The following AZI2 variants were observed in gnomAD, a reference collection of about 807,000 sequenced individuals.
The protein encoded by AZI2 is 5-azacytidine induced 2.
Under a neutral mutation model 45.8 loss-of-function variants are expected in AZI2, and 22 were observed. The observed-to-expected ratio is 0.48, with a 90% CI of 0.34 to 0.69. The LOEUF is 0.69. Among genes scored for constraint, AZI2 ranks in the 30% least tolerant of loss-of-function variants. The pLI, the probability that AZI2 is intolerant of heterozygous loss-of-function variation, is 0.01. For missense variants in AZI2, 417 were observed against 441.5 expected (o/e 0.94, Z 0.50); for synonymous variants, 137 against 156.7 (o/e 0.87, Z 0.94).
chr3:28,330,520 T>C (rs187844923), intron 6 of AZI2, among the ~76,000 whole-genome samples: 1 of 151,358 alleles, frequency 6.6e-6, no homozygotes, highest in African/African-American at 2.4e-5. Context: ...TTACAAAGAT[T>C]AACAAAACAC....
At chr3:28,324,525 C>A in intron 7 of AZI2, 71 bp from the exon 8 acceptor site, 2 of 1,310,720 alleles carry the variant, frequency 1.5e-6, no homozygotes, top group East Asian at 2.4e-5. Flanking sequence ...TAACACTTCA[C>A]CAATTTGAAT....
Position 28,322,574 on chromosome 3 carries a change from CAGGT to C in AZI2, c.*1464_*1467del, listed in dbSNP as rs1208821248. ...TAGTTTTTGCTGCTTTGTTATTACA[CAGGT>C]AGTTGCTTCCTTCAGCTAAAGCCTG... On this transcript the variant is annotated 3_prime_UTR_variant, in exon 8 of 8. Transcript: ENST00000479665. 6.6e-6 allele frequency: 1 copy of C among 151,476 alleles called. No homozygotes were observed. The highest frequency in any genetic ancestry group is 1.5e-5 in the Non-Finnish European group (1 of 67,364). 9.4% of individuals were successfully genotyped at this position (151,476 alleles called of 1,614,324 possible).
At chr3:28,327,952 G>A (rs928570834) in intron 6 of AZI2, among the ~76,000 whole-genome samples, 4 of 150,204 alleles carry the variant, frequency 2.7e-5, no homozygotes, top group Non-Finnish European at 4.5e-5. Flanking sequence ...TTTTTGTGTT[G>A]CCATAAACAC....
chr3:28,342,723 A>G (rs941940287), intron 1 of AZI2, among the ~76,000 whole-genome samples: 8 of 147,882 alleles, frequency 5.4e-5, no homozygotes, highest in Admixed American at 1.3e-4. Flanking sequence ...ACACACACAC[A>G]CACACACACA....
Position 28,324,414 on chromosome 3 carries a change from G to A in AZI2, c.807C>T (p.Asp269=). 1.3e-6 allele frequency: 2 copies of A among 1,538,060 alleles called. No individual in the cohort carries two copies. The highest frequency in any genetic ancestry group is 3.5e-4 in the Middle Eastern group (2 of 5,664). The change falls in exon 8 of 8, where the codon GAC becomes GAT. Residue 269 remains aspartate, a synonymous_variant. Transcript: ENST00000479665. The part of the protein sequence containing the change: ...PVGCSEDLGR[D]STKLHLMNFT... Reference sequence around the variant, plus strand: ...AATTCATCAAGTGCAGTTTTGTGCTGTCTCTTCCAAGGTCTTCACTGCATC... The same window carrying A: ...AATTCATCAAGTGCAGTTTTGTGCTATCTCTTCCAAGGTCTTCACTGCATC...
chr3:28,344,991 A>G (rs923466661), intron 1 of AZI2, among the ~76,000 whole-genome samples: 2 of 152,138 alleles, frequency 1.3e-5, no homozygotes, highest in Non-Finnish European at 2.9e-5. Context: ...GACATTCCAT[A>G]AATAAATTTT....
At chr3:28,327,182 A>G (rs893049149) in intron 6 of AZI2, among the ~76,000 whole-genome samples, 1 of 151,048 alleles carries the variant, frequency 6.6e-6, no homozygotes, top group African/African-American at 2.4e-5. Flanking sequence ...TAAACGGTAT[A>G]ATAAAAATAA....
intron 1 of AZI2, among the ~76,000 whole-genome samples, chr3:28,347,759 C>A (rs2125677121): frequency 6.6e-6 from 1 of 152,290 alleles, no homozygotes; most frequent in East Asian, 1.9e-4. Context: ...GTAAAGGATG[C>A]ACTGTTCTCA....
At chr3:28,340,943 T>C (rs1703993623) in intron 1 of AZI2, among the ~76,000 whole-genome samples, 1 of 152,034 alleles carries the variant, frequency 6.6e-6, no homozygotes. Context: ...TCAGTTTCAT[T>C]AAAACAATCA....
chr3:28,338,391 A>T, intron 3 of AZI2, 102 bp downstream of exon 3: 1 of 1,276,044 alleles, frequency 7.8e-7, no homozygotes, highest in Non-Finnish European at 1.0e-6. Flanking sequence ...ACAAAATTTT[A>T]ATTACTAAAT....
At chr3:28,336,696 C>T (rs1559460339) in intron 5 of AZI2, 41 bp downstream of exon 5, 2 of 1,584,120 alleles carry the variant, frequency 1.3e-6, no homozygotes, top group East Asian at 2.2e-5. Flanking sequence ...ATATGATACA[C>T]AAAAAATACT....
chr3:28,341,645 C>T (rs1309850897), intron 1 of AZI2: 3 of 151,938 alleles, frequency 2.0e-5, no homozygotes, highest in Admixed American at 1.3e-4. Flanking sequence ...CTTTTAAGAC[C>T]TCCTGGGAAA....
intron 3 of AZI2, 23 bp downstream of exon 3, chr3:28,338,470 T>G (rs776265001): frequency 6.6e-7 from 1 of 1,511,834 alleles, no homozygotes; most frequent in Admixed American, 1.8e-5. Context: ...AATGCAGATG[T>G]CATTCGCTTC....
intron 1 of AZI2, chr3:28,348,267 G>A (rs1468592353): frequency 3.3e-5 from 5 of 152,066 alleles, no homozygotes; most frequent in African/African-American, 1.2e-4. Flanking sequence ...ATTTGTATCG[G>A]AAAGAAGCAT....
chr3:28,324,283 T>C lies in AZI2; in HGVS notation c.938A>G (p.Lys313Arg). 1 of 1,608,862 alleles carries C rather than the reference T, an allele frequency of 6.2e-7. No individual in the cohort carries two copies. The highest frequency in any genetic ancestry group is 8.5e-7 in the Non-Finnish European group (1 of 1,176,512). The change falls in exon 8 of 8, where the codon AAA (lysine) becomes AGA (arginine). Residue 313 changes from lysine to arginine, a missense_variant. Coordinates refer to ENST00000479665, the MANE Select transcript of AZI2 (RefSeq NM_022461.5). The stretch of plus-strand genomic sequence containing the variant: ...GTCTGTCCATGATTGGAGGATTGCT[T>C]TCTCTGATAAAACCTTTACATCTCC... ...LPGDVKVLSE[K>R]AILQSWTDNE... is the part of the protein sequence containing the mutation.
intron 6 of AZI2, 107 bp from the exon 7 acceptor site, chr3:28,327,057 A>G: frequency 2.7e-6 from 2 of 746,218 alleles, no homozygotes; most frequent in Non-Finnish European, 4.3e-6. Context: ...ATTAGTTTTG[A>G]GATGATGTAA....
intron 6 of AZI2, chr3:28,331,943 CAGAT>C: frequency 1.3e-6 from 2 of 1,534,864 alleles, no homozygotes; most frequent in Non-Finnish European, 8.8e-7. Context: ...GGCTGTGCTA[CAGAT>C]ACTCTGTCTC....
chr3:28,346,164 C>A lies in AZI2; in HGVS notation c.-6+2437G>T, dbSNP rs547243881. On this transcript the variant is annotated intron_variant, in intron 1 of 7. Transcript: ENST00000479665. ...ATTCTGGTTATCCTAAGAATATGGA[C>A]AAGGCATAACTATGTCAAAAAGAAC... Among the ~76,000 whole-genome samples, 202 of 152,194 alleles carry A rather than the reference C, an allele frequency of 1.3e-3. 3 individuals are homozygous for A. Among genetic ancestry groups the A allele is most frequent in the African/African-American group, 4.5e-3 (187 of 41,540 alleles).
chr3:28,335,320 A>G (rs1358945189), intron 5 of AZI2, among the ~76,000 whole-genome samples: 1 of 151,912 alleles, frequency 6.6e-6, no homozygotes, highest in East Asian at 1.9e-4. Context: ...AAATAATGAC[A>G]ATTATAATTC....
Sources: gnomAD v4.1 joint callset for allele counts (sites outside exome capture counted in the v4.1 genomes callset) on GRCh38, gnomAD v4.1.1 for gene constraint, MANE v1.5 for transcripts, NCBI Gene and HGNC (gene_info 2026-07-23, HGNC 2026-07-21) for gene names.